Variants in C12orf50 observed in about 807,000 individuals in gnomAD.
The protein encoded by C12orf50 is zinc finger CCCH-type containing 11D.
Under a neutral mutation model 61.6 loss-of-function variants are expected in C12orf50, and 35 were observed. That is an observed-to-expected ratio of 0.57 (90% CI 0.43 to 0.75). The LOEUF (loss-of-function observed/expected upper bound fraction) is 0.75. Ranked by LOEUF, C12orf50 falls within the 30% of genes least tolerant of loss-of-function variation. The probability of loss-of-function intolerance (pLI) is 0.00; values close to 1 mark genes in which losing one functional copy is unlikely to be tolerated. For synonymous variants in C12orf50, 178 were observed against 161.5 expected (o/e 1.10, Z -0.77); for missense variants, 475 against 488.5 (o/e 0.97, Z 0.26).
chr12:87,982,881 C>T (rs539007211), intron 12 of C12orf50, among the ~76,000 whole-genome samples: 2 of 150,040 alleles, frequency 1.3e-5, no homozygotes, highest in African/African-American at 2.4e-5. Context: ...TGTATAAAAA[C>T]GTTTTTGGGT....
rs781733263 is a variant in C12orf50, at chr12:87,986,465, CT to C, written c.818-50del. 2.3e-5 allele frequency: 30 copies of C among 1,305,680 alleles called. No individual in the cohort carries two copies. In the Admixed American group the frequency reaches 5.9e-4, roughly 26 times the overall value. 80.9% of individuals were successfully genotyped at this position (1,305,680 alleles called of 1,614,324 possible). On this transcript the variant is annotated intron_variant, in intron 9 of 12. Coordinates refer to ENST00000298699, the MANE Select transcript of C12orf50 (RefSeq NM_152589.3). ...AATTTTTTAAGAGATGCTTTCATCT[CT>C]GAAATTACTGTAGGTGATAATTACA...
chr12:87,991,171 A>C (rs1365371849), intron 7 of C12orf50, among the ~76,000 whole-genome samples: 1 of 152,148 alleles, frequency 6.6e-6, no homozygotes, highest in Non-Finnish European at 1.5e-5. Context: ...CCTTCACAGA[A>C]TCAAGGTGGT....
chr12:88,026,977 A>G lies in C12orf50; in HGVS notation c.-15T>C, dbSNP rs780934710. On this transcript the variant is annotated 5_prime_UTR_variant, in exon 2 of 13. Coordinates refer to ENST00000298699, the MANE Select transcript of C12orf50 (RefSeq NM_152589.3). ...TGCATTTCCATGTGTCTAAATCTGC[A>G]AAGTGGATCTAAACATTTCCTCTCT... is the stretch of plus-strand genomic sequence containing the variant. 5 of 1,613,760 alleles carry G rather than the reference A, an allele frequency of 3.1e-6. No individual in the cohort carries two copies. In the South Asian group the frequency reaches 5.5e-5, roughly 18 times the overall value.
intron 3 of C12orf50, among the ~76,000 whole-genome samples, chr12:88,013,860 T>G (rs977239419): frequency 2.6e-5 from 4 of 152,166 alleles, no homozygotes; most frequent in Non-Finnish European, 4.4e-5. Flanking sequence ...TTTTGGTGGT[T>G]GTTGTTTTAA....
At chr12:88,018,336 T>G (rs2032386265) in intron 3 of C12orf50, among the ~76,000 whole-genome samples, 1 of 152,214 alleles carries the variant, frequency 6.6e-6, no homozygotes, top group African/African-American at 2.4e-5. Context: ...GTGTTGAGAC[T>G]GCAAGAGCAC....
At chr12:88,008,412 T>A (rs1408376347) in intron 3 of C12orf50, among the ~76,000 whole-genome samples, 1 of 152,208 alleles carries the variant, frequency 6.6e-6, no homozygotes, top group Admixed American at 6.5e-5. Flanking sequence ...TTTTTATGGC[T>A]GCATGGTATT....
intron 7 of C12orf50, 101 bp downstream of exon 7, chr12:87,994,532 T>C (rs2136425367): frequency 1.1e-6 from 1 of 874,218 alleles, no homozygotes; most frequent in South Asian, 1.7e-5. Flanking sequence ...GTGTTAAACA[T>C]GACATGGACA....
At chr12:88,000,049 T>G (rs1401445324) in intron 3 of C12orf50, among the ~76,000 whole-genome samples, 2 of 152,120 alleles carry the variant, frequency 1.3e-5, no homozygotes, top group African/African-American at 2.4e-5. Context: ...GGAGTAACTG[T>G]TAATGAATGT....
At chr12:88,012,873 A>G (rs1592676372) in intron 3 of C12orf50, among the ~76,000 whole-genome samples, 1 of 152,198 alleles carries the variant, frequency 6.6e-6, no homozygotes, top group South Asian at 2.1e-4. Flanking sequence ...AGACCGGCCT[A>G]CATAATATGG....
chr12:88,001,296 T>A (rs544128582), intron 3 of C12orf50, among the ~76,000 whole-genome samples: 30 of 150,566 alleles, frequency 2.0e-4, no homozygotes, highest in Non-Finnish European at 3.9e-4. Context: ...GTGGGTATAT[T>A]ATTATTATTA....
At chr12:88,001,877 T>C (rs556906460) in intron 3 of C12orf50, among the ~76,000 whole-genome samples, 30 of 151,682 alleles carry the variant, frequency 2.0e-4, no homozygotes, top group African/African-American at 6.7e-4. Context: ...TCAACCTATC[T>C]CTTTTTTTCT....
At chr12:88,021,799 C>G (rs1240574264) in intron 3 of C12orf50, among the ~76,000 whole-genome samples, 2 of 151,992 alleles carry the variant, frequency 1.3e-5, no homozygotes, top group Admixed American at 6.6e-5. Context: ...AAGGAAGAAA[C>G]TGAATCCCTG....
chr12:87,981,970 A>G (rs902142324), intron 12 of C12orf50, among the ~76,000 whole-genome samples: 1 of 152,106 alleles, frequency 6.6e-6, no homozygotes, highest in Non-Finnish European at 1.5e-5. Flanking sequence ...TACATGTATT[A>G]TGTGCTGAAG....
At chr12:87,996,165 T>C (rs1038741565) in intron 6 of C12orf50, among the ~76,000 whole-genome samples, 2 of 152,214 alleles carry the variant, frequency 1.3e-5, no homozygotes, top group African/African-American at 4.8e-5. Flanking sequence ...TACGTGTTAA[T>C]GAAGTCTATT....
chr12:88,026,976 C>G lies in C12orf50; in HGVS notation c.-14G>C. 1 of 1,613,784 alleles carries G rather than the reference C, an allele frequency of 6.2e-7. No homozygotes were observed. The highest frequency in any genetic ancestry group is 8.5e-7 in the Non-Finnish European group (1 of 1,179,916). On this transcript the variant is annotated 5_prime_UTR_variant, in exon 2 of 13. Transcript: ENST00000298699. ...CTGCATTTCCATGTGTCTAAATCTG[C>G]AAAGTGGATCTAAACATTTCCTCTC...
intron 3 of C12orf50, among the ~76,000 whole-genome samples, chr12:88,019,379 G>A (rs750132829): frequency 1.3e-5 from 2 of 152,106 alleles, no homozygotes; most frequent in Non-Finnish European, 2.9e-5. Flanking sequence ...GGAACTATAA[G>A]TCCATTAAAC....
intron 6 of C12orf50, among the ~76,000 whole-genome samples, chr12:87,995,129 G>C (rs2031322515): frequency 6.6e-6 from 1 of 152,004 alleles, no homozygotes; most frequent in Admixed American, 6.6e-5. Context: ...ACTACAAAAT[G>C]CTAACTACAC....
chr12:88,005,337 G>A (rs2031816163), intron 3 of C12orf50, among the ~76,000 whole-genome samples: 1 of 152,154 alleles, frequency 6.6e-6, no homozygotes, highest in Non-Finnish European at 1.5e-5. Context: ...ATTCCTCAGA[G>A]GATGTAGCCT....
intron 2 of C12orf50, 55 bp from the exon 3 acceptor site, chr12:88,026,663 A>G (rs1350124912): frequency 6.3e-7 from 1 of 1,592,232 alleles, no homozygotes; most frequent in Non-Finnish European, 8.6e-7. Flanking sequence ...ATTTACAACA[A>G]ATACAATGTG....
Sources: gnomAD v4.1 joint callset for allele counts (sites outside exome capture counted in the v4.1 genomes callset) on GRCh38, gnomAD v4.1.1 for gene constraint, MANE v1.5 for transcripts, NCBI Gene and HGNC (gene_info 2026-07-23, HGNC 2026-07-21) for gene names.